TMEM74: variants seen among roughly 807,000 people sequenced by gnomAD.
TMEM74 encodes the protein transmembrane protein 74.
A neutral mutation model predicts 18.1 loss-of-function variants in TMEM74; 13 were observed. That is an observed-to-expected ratio of 0.72 (90% CI 0.47 to 1.14). TMEM74 has a LOEUF of 1.14. Ranked by LOEUF, TMEM74 falls within the 50% of genes most tolerant of loss-of-function variation. TMEM74 has a pLI of 0.00. For missense variants in TMEM74, 372 were observed against 375.9 expected (o/e 0.99, Z 0.09); for synonymous variants, 159 against 146.6 (o/e 1.08, Z -0.61).
intron 1 of TMEM74, among the ~76,000 whole-genome samples, chr8:108,695,300 G>A (rs993161170): frequency 1.3e-5 from 2 of 152,170 alleles, no homozygotes; most frequent in African/African-American, 4.8e-5. Flanking sequence ...TTAATGCAAT[G>A]CAAATTTCGA....
At chr8:108,690,757 G>A (rs1169795653) in intron 1 of TMEM74, among the ~76,000 whole-genome samples, 1 of 152,108 alleles carries the variant, frequency 6.6e-6, no homozygotes, top group Non-Finnish European at 1.5e-5. Flanking sequence ...GGAGGCGGAG[G>A]TTGCAGTGAG....
chr8:108,688,379 T>C (rs1256922236), intron 1 of TMEM74, among the ~76,000 whole-genome samples: 1 of 152,204 alleles, frequency 6.6e-6, no homozygotes, highest in Non-Finnish European at 1.5e-5. Flanking sequence ...CTCAGTCCAA[T>C]CAAGGATGTT....
In TMEM74 at chr8:108,784,220, C is replaced by G; in HGVS notation, c.879G>C (p.Leu293=). 2 of 1,613,844 alleles carry G rather than the reference C, an allele frequency of 1.2e-6. No homozygotes were observed. The highest frequency in any genetic ancestry group is 1.7e-6 in the Non-Finnish European group (2 of 1,179,832). Residue 293 remains leucine (L), a synonymous_variant, in exon 2 of 2, where the codon CTG becomes CTC. Coordinates refer to ENST00000297459, the MANE Select transcript of TMEM74 (RefSeq NM_153015.3). ...CAAGCGCATCTTCCTCTACCAAGGA[C>G]AGTTCCAGAGTGTTTTCATTCGTGC... is the stretch of plus-strand genomic sequence containing the variant. ...KTSTNENTLE[L]SLVEEDALAV...
chr8:108,608,329 A>G (rs1812300364), intron 3 of TMEM74, among the ~76,000 whole-genome samples: 1 of 151,362 alleles, frequency 6.6e-6, no homozygotes, highest in Non-Finnish European at 1.5e-5. Context: ...AAAAGAAAAA[A>G]AAAGAACTAG....
At chr8:108,625,857 T>C (rs1255516153) in intron 2 of TMEM74, among the ~76,000 whole-genome samples, 1 of 152,012 alleles carries the variant, frequency 6.6e-6, no homozygotes, top group Non-Finnish European at 1.5e-5. Flanking sequence ...AATTATGTCT[T>C]TTCTCAAACA....
chr8:108,707,034 A>G (rs1554574083), intron 1 of TMEM74, among the ~76,000 whole-genome samples: 2 of 151,958 alleles, frequency 1.3e-5, no homozygotes, highest in Non-Finnish European at 2.9e-5. Flanking sequence ...TGTCCTTTGC[A>G]GGGACACGGA....
At chr8:108,607,655 ATTTAG>A (rs1234649245) in exon 4 of TMEM74, 1 of 152,172 alleles carries the variant, frequency 6.6e-6, no homozygotes, top group African/African-American at 2.4e-5. Context: ...ATGGCCTTGA[ATTTAG>A]TTTAAAGTCG....
At chr8:108,716,789 A>G (rs1245254710) in intron 1 of TMEM74, among the ~76,000 whole-genome samples, 2 of 151,856 alleles carry the variant, frequency 1.3e-5, no homozygotes, top group African/African-American at 2.4e-5. Flanking sequence ...AGAATTAAAA[A>G]AAAACAAAAA....
intron 1 of TMEM74, among the ~76,000 whole-genome samples, chr8:108,696,063 C>T (rs923715938): frequency 6.6e-6 from 1 of 152,120 alleles, no homozygotes; most frequent in Non-Finnish European, 1.5e-5. Flanking sequence ...TCACAAATTT[C>T]CATCAAAAAG....
At chr8:108,684,428 TTGCC>T (rs1813147672) in intron 1 of TMEM74, among the ~76,000 whole-genome samples, 1 of 151,934 alleles carries the variant, frequency 6.6e-6, no homozygotes, top group Non-Finnish European at 1.5e-5. Context: ...TTCAGATTTT[TTGCC>T]CATTTTTTTT....
chr8:108,611,213 T>C (rs1351866339), intron 2 of TMEM74, among the ~76,000 whole-genome samples: 2 of 152,160 alleles, frequency 1.3e-5, no homozygotes, highest in East Asian at 3.9e-4. Flanking sequence ...CTGAGATCCA[T>C]GGATTAAAGT....
chr8:108,654,412 A>G (rs1812802417), intron 2 of TMEM74, among the ~76,000 whole-genome samples: 1 of 152,192 alleles, frequency 6.6e-6, no homozygotes, highest in African/African-American at 2.4e-5. Context: ...ATATGGAAAA[A>G]GTGCTTTATT....
At chr8:108,717,833 G>A (rs1044588850) in intron 1 of TMEM74, among the ~76,000 whole-genome samples, 2 of 151,808 alleles carry the variant, frequency 1.3e-5, no homozygotes, top group Admixed American at 6.6e-5. Context: ...AGAATGAGAG[G>A]TGGTGAACTG....
intron 1 of TMEM74, among the ~76,000 whole-genome samples, chr8:108,679,200 A>G (rs949885033): frequency 6.6e-6 from 1 of 152,166 alleles, no homozygotes; most frequent in African/African-American, 2.4e-5. Flanking sequence ...TAGTGCTGCA[A>G]TAAACCTACA....
intron 2 of TMEM74, among the ~76,000 whole-genome samples, chr8:108,640,575 G>A (rs10100300): frequency 0.097 from 14,681 of 151,762 alleles, 1,270 homozygotes; most frequent in East Asian, 0.42. Context: ...AAATTGATCT[G>A]TGGAAGAACC....
chr8:108,749,252 A>G (rs1049174378), intron 1 of TMEM74, among the ~76,000 whole-genome samples: 11 of 151,900 alleles, frequency 7.2e-5, no homozygotes, highest in Non-Finnish European at 2.9e-5. Context: ...CAGTATGGCC[A>G]TTTTCAAGAT....
chr8:108,670,368 G>A (rs1268810223), intron 1 of TMEM74, among the ~76,000 whole-genome samples: 1 of 152,160 alleles, frequency 6.6e-6, no homozygotes, highest in Non-Finnish European at 1.5e-5. Context: ...AATGTCTTTG[G>A]AAAGAAAGGA....
intron 1 of TMEM74, among the ~76,000 whole-genome samples, chr8:108,786,010 G>A (rs1814380209): frequency 6.6e-6 from 1 of 152,014 alleles, no homozygotes; most frequent in East Asian, 1.9e-4. Context: ...CCGTTCCCTG[G>A]GTCTGTGTTC....
intron 1 of TMEM74, among the ~76,000 whole-genome samples, chr8:108,730,022 G>A (rs916543569): frequency 1.3e-5 from 2 of 152,086 alleles, no homozygotes; most frequent in Admixed American, 6.5e-5. Context: ...GAGTCCCAGC[G>A]GTCTTTCAAA....
Sources: gnomAD v4.1 joint callset for allele counts (sites outside exome capture counted in the v4.1 genomes callset) on GRCh38, gnomAD v4.1.1 for gene constraint, MANE v1.5 for transcripts, NCBI Gene and HGNC (gene_info 2026-07-23, HGNC 2026-07-21) for gene names.